ANKRD30A: variants seen among roughly 807,000 people sequenced by gnomAD.
The protein encoded by ANKRD30A is ankyrin repeat domain 30A.
A neutral mutation model predicts 166.3 loss-of-function variants in ANKRD30A; 170 were observed. The ratio of observed to expected loss-of-function variants is 1.02; its 90% CI spans 0.90 to 1.16. ANKRD30A has a LOEUF of 1.16. Ranked by LOEUF, ANKRD30A falls within the 50% of genes most tolerant of loss-of-function variation. ANKRD30A has a pLI of 0.00. For synonymous variants in ANKRD30A, 564 were observed against 508.9 expected, an observed-to-expected ratio of 1.11 and a Z score of -1.46; for missense variants, 1,630 against 1,518.0, an observed-to-expected ratio of 1.07 and a Z score of -1.23.
chr10:37,265,862 C>T, the ANKRD30A span, among the ~76,000 whole-genome samples: 3 of 152,316 alleles, frequency 2.0e-5, no homozygotes, highest in East Asian at 1.9e-4. Flanking sequence ...ACTTACTCTG[C>T]GGAAGTAAAC....
At chr10:37,166,300 A>G (rs1449540512) in intron 18 of ANKRD30A, among the ~76,000 whole-genome samples, 1 of 152,202 alleles carries the variant, frequency 6.6e-6, no homozygotes, top group Non-Finnish European at 1.5e-5. Context: ...CATAAGTTAG[A>G]TATTTTTAAG....
At chr10:37,238,764 T>C in the ANKRD30A span, among the ~76,000 whole-genome samples, 2 of 152,112 alleles carry the variant, frequency 1.3e-5, no homozygotes, top group Non-Finnish European at 2.9e-5. Flanking sequence ...CACGTGAAAA[T>C]GTATATTTTC....
At position 37,199,831 on chromosome 10, in the gene ANKRD30A, A is replaced by T. The variant is rs368232622; in HGVS notation, c.2778+43A>T. The T allele has an allele frequency of 3.3e-6, 4 of 1,197,106 alleles. No homozygotes were observed. The South Asian group carries it at 3.9e-5, about 12-fold the overall frequency. The allele number at this position is 1,197,106 out of a possible 1,614,324, so 74.2% of individuals were successfully genotyped here. A position where few individuals can be genotyped will look rare whatever the true frequency, so the allele number is the denominator to read the frequency against. On this transcript the variant is annotated intron_variant, in intron 30 of 35. Coordinates refer to ENST00000361713, the MANE Select transcript of ANKRD30A (RefSeq NM_052997.3). ...TTTTTTTAAATATTAGTATTGCATGATATGAAAACATAAAATCAGATGCTT... is the reference window on the plus strand; with the variant it reads ...TTTTTTTAAATATTAGTATTGCATGTTATGAAAACATAAAATCAGATGCTT...
intron 31 of ANKRD30A, among the ~76,000 whole-genome samples, chr10:37,201,555 A>T (rs561119660): frequency 6.6e-6 from 1 of 152,198 alleles, no homozygotes; most frequent in African/African-American, 2.4e-5. Flanking sequence ...ATATTCCAAG[A>T]CCTGAGGACA....
At chr10:37,164,986 A>G (rs890999426) in intron 17 of ANKRD30A, 108 bp from the exon 18 acceptor site, 1 of 1,201,048 alleles carries the variant, frequency 8.3e-7, no homozygotes, top group African/African-American at 1.5e-5. Flanking sequence ...CATATGGGCC[A>G]CAGAGGAAAA....
intron 6 of ANKRD30A, among the ~76,000 whole-genome samples, chr10:37,137,579 C>G (rs1302983536): frequency 6.6e-6 from 1 of 152,170 alleles, no homozygotes; most frequent in East Asian, 1.9e-4. Flanking sequence ...GAGATTATAT[C>G]CCGAGCATGG....
chr10:37,265,089 A>G, the ANKRD30A span, among the ~76,000 whole-genome samples: 1 of 152,170 alleles, frequency 6.6e-6, no homozygotes, highest in African/African-American at 2.4e-5. Flanking sequence ...TAACAGCTCT[A>G]TGAACCAGCA....
At chr10:37,251,060 G>A in the ANKRD30A span, among the ~76,000 whole-genome samples, 136 of 152,284 alleles carry the variant, frequency 8.9e-4, 2 homozygotes, top group African/African-American at 3.1e-3. Flanking sequence ...TCACTAACAC[G>A]TGGGTGGAGG....
At chr10:37,167,111 A>G (rs570052101) in intron 19 of ANKRD30A, among the ~76,000 whole-genome samples, 33 of 151,942 alleles carry the variant, frequency 2.2e-4, no homozygotes, top group Admixed American at 1.6e-3. Flanking sequence ...CAGCTAGATG[A>G]TTTTGGATTT....
intron 34 of ANKRD30A, among the ~76,000 whole-genome samples, chr10:37,226,407 C>T (rs1271339610): frequency 6.6e-6 from 1 of 151,630 alleles, no homozygotes; most frequent in African/African-American, 2.4e-5. Flanking sequence ...TGGTTTCCAG[C>T]TTCATCCATG....
At chr10:37,232,192 C>T (rs1480457444) in intron 35 of ANKRD30A, among the ~76,000 whole-genome samples, 1 of 151,692 alleles carries the variant, frequency 6.6e-6, no homozygotes, top group South Asian at 2.1e-4. Context: ...AAACATGGAA[C>T]ACTTAAATGA....
At chr10:37,207,686 T>C (rs1842070246) in intron 31 of ANKRD30A, among the ~76,000 whole-genome samples, 1 of 151,888 alleles carries the variant, frequency 6.6e-6, no homozygotes, top group Admixed American at 6.6e-5. Flanking sequence ...TCTTAATATA[T>C]TGGTGCATTA....
intron 34 of ANKRD30A, among the ~76,000 whole-genome samples, chr10:37,222,645 A>T (rs888286476): frequency 2.0e-5 from 3 of 151,152 alleles, no homozygotes; most frequent in African/African-American, 7.3e-5. Context: ...GCCGATTTCC[A>T]TATCTCTCTG....
At chr10:37,134,740 C>A (rs1027803381) in intron 5 of ANKRD30A, among the ~76,000 whole-genome samples, 4 of 152,310 alleles carry the variant, frequency 2.6e-5, no homozygotes, top group African/African-American at 9.6e-5. Flanking sequence ...GATGTGAAAC[C>A]CACATCTTAG....
intron 18 of ANKRD30A, among the ~76,000 whole-genome samples, chr10:37,166,071 A>T (rs888142042): frequency 1.3e-5 from 2 of 152,082 alleles, no homozygotes; most frequent in Non-Finnish European, 2.9e-5. Context: ...TGCTTATTTT[A>T]AGCCCCTGTT....
chr10:37,195,568 A>G (rs1841007428), intron 27 of ANKRD30A, among the ~76,000 whole-genome samples: 1 of 152,212 alleles, frequency 6.6e-6, no homozygotes, highest in Admixed American at 6.5e-5. Context: ...TTACTTTAGA[A>G]AACATAAACA....
intron 29 of ANKRD30A, among the ~76,000 whole-genome samples, chr10:37,198,085 T>C (rs1841299724): frequency 6.6e-6 from 1 of 152,132 alleles, no homozygotes; most frequent in African/African-American, 2.4e-5. Flanking sequence ...TTCATGAAAC[T>C]GTGATTCTGA....
chr10:37,131,171 C>G (rs940139566), intron 3 of ANKRD30A, among the ~76,000 whole-genome samples: 3 of 17,788 alleles, frequency 1.7e-4, no homozygotes, highest in Non-Finnish European at 4.2e-4. Flanking sequence ...AATATTATAT[C>G]CTTCTCAGAA....
intron 34 of ANKRD30A, among the ~76,000 whole-genome samples, chr10:37,221,634 C>T (rs1842903301): frequency 6.6e-6 from 1 of 151,254 alleles, no homozygotes; most frequent in Non-Finnish European, 1.5e-5. Context: ...ATTTTTAAAA[C>T]TGTGGCTGTC....
Sources: gnomAD v4.1 joint callset for allele counts (sites outside exome capture counted in the v4.1 genomes callset) on GRCh38, gnomAD v4.1.1 for gene constraint, MANE v1.5 for transcripts, NCBI Gene and HGNC (gene_info 2026-07-23, HGNC 2026-07-21) for gene names.